ABCG2: variants seen among roughly 807,000 people sequenced by gnomAD.
ABCG2 encodes broad substrate specificity ATP-binding cassette transporter ABCG2.
Under a neutral mutation model 73.5 loss-of-function variants are expected in ABCG2, and 80 were observed. The observed-to-expected ratio is 1.09, with a 90% CI of 0.91 to 1.31. The LOEUF (loss-of-function observed/expected upper bound fraction) is 1.31, where lower values mean the gene tolerates loss of function less well. Among genes scored for constraint, ABCG2 ranks in the 50% most tolerant of loss-of-function variants. ABCG2 has a pLI of 0.00. For synonymous variants in ABCG2, 269 were observed against 282.4 expected, an observed-to-expected ratio of 0.95 and a Z score of 0.48; for missense variants, 796 against 786.2, an observed-to-expected ratio of 1.01 and a Z score of -0.15.
In ABCG2 at chr4:88,149,873, G is replaced by A. The variant is rs10015296; in HGVS notation, c.-20+8513C>T. On this transcript the variant is annotated intron_variant, in intron 1 of 15. Transcript: ENST00000237612. ...TCTCAAAAAATAATAATAATAATTC[G>A]ATATTTACTAGACTTCTATTATCTG... 6.4e-3 allele frequency among the ~76,000 whole-genome samples: 975 copies of A among 152,086 alleles called. 8 individuals carry two copies. The highest frequency in any genetic ancestry group is 0.022 in the African/African-American group (932 of 41,476).
At chr4:88,165,691 T>C (rs1425137585) in intron 1 of ABCG2, among the ~76,000 whole-genome samples, 3 of 152,150 alleles carry the variant, frequency 2.0e-5, no homozygotes, top group African/African-American at 7.2e-5. Flanking sequence ...CTGGCCAACA[T>C]AGTGAAACAC....
intron 5 of ABCG2, among the ~76,000 whole-genome samples, chr4:88,125,608 A>AAAAC (rs1724347660): frequency 3.4e-5 from 1 of 29,218 alleles, no homozygotes; most frequent in East Asian, 1.3e-3. Context: ...ACTCTGTCTC[A>AAAAC]AAAAAAAAAA....
At chr4:88,154,245 T>C (rs1470895962) in intron 1 of ABCG2, among the ~76,000 whole-genome samples, 5 of 152,178 alleles carry the variant, frequency 3.3e-5, no homozygotes. Context: ...ACCTTTTTGA[T>C]GGCCCTTGCA....
intron 11 of ABCG2, among the ~76,000 whole-genome samples, 171 bp from the exon 12 acceptor site, chr4:88,099,619 C>T (rs1018909033): frequency 3.3e-5 from 5 of 152,162 alleles, no homozygotes; most frequent in African/African-American, 9.7e-5. Flanking sequence ...TGGGTGCCAG[C>T]CTCCCTGAGA....
chr4:88,229,040 A>G lies in ABCG2; in HGVS notation c.-20+1954T>C. On this transcript the variant is annotated intron_variant, in intron 1 of 15. Transcript: ENST00000515655. ...GGGAATAAAAGCTGGCCACCCAAGC[A>G]AGCAGTGGCAACCGCTTGGGTCCCC... is the stretch of plus-strand genomic sequence containing the variant. Among the ~76,000 whole-genome samples the G allele has an allele frequency of 2.0e-5, 3 of 152,334 alleles. No individual in the cohort carries two copies. The Middle Eastern group carries it at 0.01, about 518-fold the overall frequency.
chr4:88,173,018 C>G (rs1313181307), intron 1 of ABCG2, among the ~76,000 whole-genome samples: 1 of 152,162 alleles, frequency 6.6e-6, no homozygotes, highest in Non-Finnish European at 1.5e-5. Context: ...GTGGACTCAT[C>G]TAAACATTGA....
At chr4:88,172,664 T>C (rs1727803258) in intron 1 of ABCG2, among the ~76,000 whole-genome samples, 1 of 152,106 alleles carries the variant, frequency 6.6e-6, no homozygotes, top group East Asian at 1.9e-4. Flanking sequence ...ACAAAGAATG[T>C]AGATTCAGAT....
chr4:88,212,491 A>C (rs1729642247), intron 1 of ABCG2, among the ~76,000 whole-genome samples: 1 of 152,072 alleles, frequency 6.6e-6, no homozygotes. Flanking sequence ...TCTCTCCTTC[A>C]GTGATCTTGT....
chr4:88,111,062 T>A (rs1479999978), intron 9 of ABCG2, among the ~76,000 whole-genome samples: 1 of 152,210 alleles, frequency 6.6e-6, no homozygotes, highest in Non-Finnish European at 1.5e-5. Flanking sequence ...AAGCCCAGTA[T>A]CAAAACATGC....
intron 15 of ABCG2, among the ~76,000 whole-genome samples, chr4:88,093,012 C>G (rs939466557): frequency 1.8e-4 from 28 of 152,110 alleles, no homozygotes; most frequent in African/African-American, 6.5e-4. Context: ...CAAGACATTC[C>G]CAGCAGACTC....
intron 10 of ABCG2, 115 bp from the exon 11 acceptor site, chr4:88,101,434 A>C (rs570610170): frequency 2.2e-6 from 2 of 924,644 alleles, no homozygotes; most frequent in Non-Finnish European, 3.4e-6. Context: ...CAGGAAAAAA[A>C]GGGAAACTGT....
chr4:88,174,451 G>T (rs529197607), intron 1 of ABCG2, among the ~76,000 whole-genome samples: 5 of 152,284 alleles, frequency 3.3e-5, no homozygotes, highest in Non-Finnish European at 7.3e-5. Flanking sequence ...TTACTTTGCT[G>T]AGAATGACGG....
At chr4:88,217,158 CATGGGCATA>C (rs1729845350) in intron 1 of ABCG2, among the ~76,000 whole-genome samples, 1 of 152,094 alleles carries the variant, frequency 6.6e-6, no homozygotes, top group Non-Finnish European at 1.5e-5. Context: ...CGTCCATGAT[CATGGGCATA>C]TATTATGGTA....
chr4:88,094,652 TGCAAAGCCTATAACACAAGTGGGA>T lies in ABCG2; in HGVS notation c.1738-17_1744del. On this transcript the variant is annotated splice_acceptor_variant and splice_polypyrimidine_tract_variant and coding_sequence_variant and intron_variant, in exon 15 of 16. Coordinates refer to ENST00000237612, the MANE Select transcript of ABCG2 (RefSeq NM_004827.3). LOFTEE classifies it high-confidence loss of function. ...GTTTTGTCCCAAAAATTCATTATGC[TGCAAAGCCTATAACACAAGTGGGA>T]GCAGGGCAAGGTAAACAGTTTTAAA... is the stretch of plus-strand genomic sequence containing the variant. The T allele has an allele frequency of 2.5e-6, 4 of 1,613,532 alleles. No individual in the cohort carries two copies. The highest frequency in any genetic ancestry group is 3.4e-6 in the Non-Finnish European group (4 of 1,179,402).
At chr4:88,125,591 G>A (rs1320477116) in intron 5 of ABCG2, among the ~76,000 whole-genome samples, 16 of 94,868 alleles carry the variant, frequency 1.7e-4, no homozygotes, top group Middle Eastern at 0.015. Flanking sequence ...CTGGGCAACA[G>A]AGCAAGACTC....
At chr4:88,111,101 G>A (rs1723103034) in intron 9 of ABCG2, among the ~76,000 whole-genome samples, 1 of 152,208 alleles carries the variant, frequency 6.6e-6, no homozygotes, top group Non-Finnish European at 1.5e-5. Flanking sequence ...AAACAGCTCT[G>A]TGTTCTAATT....
chr4:88,192,159 C>T (rs1728715871), intron 1 of ABCG2, among the ~76,000 whole-genome samples: 1 of 144,402 alleles, frequency 6.9e-6, no homozygotes, highest in Admixed American at 7.0e-5. Context: ...CCAGCCTGGG[C>T]GACAGAGCAA....
At chr4:88,178,414 C>A (rs1302724812) in intron 1 of ABCG2, among the ~76,000 whole-genome samples, 1 of 152,110 alleles carries the variant, frequency 6.6e-6, no homozygotes, top group Non-Finnish European at 1.5e-5. Flanking sequence ...GTAGCGGTAC[C>A]CAGGCAGTAC....
rs945840336 is a variant in ABCG2 at position 88,158,530 on chromosome 4, C to T, written c.-164G>A. ...ACAAACTCTAAAGCAGCAGTTTCCA[C>T]TTAACAAGACCACCAAGCATGTGCA... On this transcript the variant is annotated 5_prime_UTR_variant, in exon 1 of 16. The change creates a new upstream start codon in the 5' untranslated region. Transcript: ENST00000237612. The T allele has an allele frequency of 3.9e-5, 18 of 456,322 alleles. No individual in the cohort carries two copies. Among genetic ancestry groups the T allele is most frequent in the African/African-American group, 3.6e-4 (18 of 50,072 alleles). 28.3% of individuals were successfully genotyped at this position (456,322 alleles called of 1,614,324 possible). A position where few individuals can be genotyped will look rare whatever the true frequency, so the allele number is the denominator to read the frequency against.
Sources: allele counts gnomAD v4.1 joint callset (sites outside exome capture counted in the v4.1 genomes callset), GRCh38; gene constraint gnomAD v4.1.1; transcripts MANE v1.5; gene names NCBI Gene and HGNC (gene_info 2026-07-23, HGNC 2026-07-21).